The following NCKAP5 variants were observed in gnomAD, a reference collection of about 807,000 sequenced individuals.
NCKAP5 encodes NCK associated protein 5.
Under a neutral mutation model 167.0 loss-of-function variants are expected in NCKAP5, and 92 were observed. That is an observed-to-expected ratio of 0.55 (90% confidence interval 0.47 to 0.66). The LOEUF (loss-of-function observed/expected upper bound fraction) is 0.66. Ranked by LOEUF, NCKAP5 falls within the 30% of genes least tolerant of loss-of-function variation. The pLI, the probability that NCKAP5 is intolerant of heterozygous loss-of-function variation, is 0.00. For synonymous variants in NCKAP5, 891 were observed against 877.4 expected, an observed-to-expected ratio of 1.02 and a Z score of -0.27; for missense variants, 2,378 against 2,315.0, an observed-to-expected ratio of 1.03 and a Z score of -0.56.
the NCKAP5 span, among the ~76,000 whole-genome samples, chr2:133,634,216 GCTAA>G: frequency 2.6e-5 from 4 of 152,114 alleles, no homozygotes; most frequent in African/African-American, 7.2e-5. Context: ...GTCCCGGGGC[GCTAA>G]CTAAGGTGGT....
the NCKAP5 span, among the ~76,000 whole-genome samples, chr2:133,662,855 T>A: frequency 1.3e-5 from 2 of 151,580 alleles, no homozygotes; most frequent in Admixed American, 6.6e-5. Flanking sequence ...CACACAGATT[T>A]GTTGGTTTCC....
chr2:133,601,175 G>A, the NCKAP5 span, among the ~76,000 whole-genome samples: 1 of 152,218 alleles, frequency 6.6e-6, no homozygotes, highest in Admixed American at 6.5e-5. Flanking sequence ...GACCTGAGCT[G>A]TATGATGGCA....
intron 19 of NCKAP5, among the ~76,000 whole-genome samples, chr2:132,722,839 G>A (rs1186096257): frequency 2.6e-5 from 4 of 151,712 alleles, no homozygotes; most frequent in East Asian, 1.9e-4. Context: ...GTTTTGAGAC[G>A]GCGTCTTGCT....
At chr2:133,027,030 T>C (rs2078721277) in intron 6 of NCKAP5, among the ~76,000 whole-genome samples, 1 of 152,080 alleles carries the variant, frequency 6.6e-6, no homozygotes. Context: ...TTGAGAAGGG[T>C]GAGAGACTCA....
At chr2:133,180,921 T>C (rs554663743) in intron 5 of NCKAP5, among the ~76,000 whole-genome samples, 1 of 152,148 alleles carries the variant, frequency 6.6e-6, no homozygotes, top group East Asian at 1.9e-4. Context: ...ATTTGCAAAC[T>C]ATGTATCTAA....
chr2:133,541,703 A>T (rs1686238424), intron 2 of NCKAP5, among the ~76,000 whole-genome samples: 1 of 152,112 alleles, frequency 6.6e-6, no homozygotes, highest in African/African-American at 2.4e-5. Context: ...TAAGAAAAAG[A>T]GTAAAACAAA....
At position 133,526,134 on chromosome 2, in the gene NCKAP5, AAAG is replaced by A. The variant is rs559124302; in HGVS notation, c.-61-8550_-61-8548del. On this transcript the variant is annotated intron_variant, in intron 2 of 19. Coordinates refer to ENST00000409261, the MANE Select transcript of NCKAP5 (RefSeq NM_207363.3). ...GGCCCTGAAGATTGAAAGAAAAACAAAAGAAGAAGGGAGGAACAGAGAAAGGGA... is the reference window on the plus strand; with the variant it reads ...GGCCCTGAAGATTGAAAGAAAAACAAAAGAAGGGAGGAACAGAGAAAGGGA... Among the ~76,000 whole-genome samples the A allele has an allele frequency of 2.0e-3, 309 of 151,124 alleles. 1 individual carries two copies. The highest frequency in any genetic ancestry group is 7.2e-3 in the African/African-American group (294 of 41,082).
intron 3 of NCKAP5, among the ~76,000 whole-genome samples, chr2:133,344,276 AGC>A (rs1479452082): frequency 2.0e-5 from 3 of 151,902 alleles, no homozygotes; most frequent in Non-Finnish European, 2.9e-5. Context: ...AGGCAGTAGT[AGC>A]GTGCCTGTAA....
At chr2:133,098,221 T>C (rs1054329367) in intron 6 of NCKAP5, among the ~76,000 whole-genome samples, 2 of 152,246 alleles carry the variant, frequency 1.3e-5, no homozygotes, top group Non-Finnish European at 2.9e-5. Context: ...GACACATCAA[T>C]CTAAAGTTTC....
chr2:132,718,815 G>T (rs1389034555), intron 19 of NCKAP5, among the ~76,000 whole-genome samples: 2 of 152,194 alleles, frequency 1.3e-5, no homozygotes, highest in African/African-American at 4.8e-5. Context: ...CATGTCCCCT[G>T]CTAAGTTCAG....
In NCKAP5 at chr2:133,458,268, C is replaced by T. The variant is rs573379749; in HGVS notation, c.69+59190G>A. ...GAGAGAATAAGGTGCTAATATTAAT[C>T]ATGAAGAGCATGGGAAAATGAAACT... On this transcript the variant is annotated intron_variant, in intron 3 of 19. Transcript: ENST00000409261. 3.9e-5 allele frequency among the ~76,000 whole-genome samples: 6 copies of T among 152,250 alleles called. No homozygotes were observed. The South Asian group carries it at 1.2e-3, about 32-fold the overall frequency.
intron 16 of NCKAP5, among the ~76,000 whole-genome samples, chr2:132,754,584 A>C (rs114735064): frequency 0.011 from 1,602 of 152,352 alleles, 21 homozygotes; most frequent in African/African-American, 0.035. Context: ...TCCCTGAAGA[A>C]GTAGGGCAAT....
At chr2:132,793,619 T>C (rs1487635040) in intron 12 of NCKAP5, among the ~76,000 whole-genome samples, 1 of 152,202 alleles carries the variant, frequency 6.6e-6, no homozygotes, top group Non-Finnish European at 1.5e-5. Flanking sequence ...GTCAGTCTCT[T>C]ATGTGAGTTC....
intron 3 of NCKAP5, among the ~76,000 whole-genome samples, chr2:133,356,773 T>C (rs143884337): frequency 6.6e-6 from 1 of 152,182 alleles, no homozygotes. Context: ...AATTTTATGA[T>C]TGGGGTCTAT....
At chr2:133,671,738 CACAACAACA>C in the NCKAP5 span, among the ~76,000 whole-genome samples, 3 of 151,474 alleles carry the variant, frequency 2.0e-5, no homozygotes, top group African/African-American at 7.3e-5. Context: ...TTCTGGTATA[CACAACAACA>C]ACAACAACAA....
At chr2:133,128,474 C>A (rs1198272322) in intron 6 of NCKAP5, among the ~76,000 whole-genome samples, 1 of 152,150 alleles carries the variant, frequency 6.6e-6, no homozygotes, top group Admixed American at 6.6e-5. Flanking sequence ...ATCACCTACC[C>A]TCATATTAAC....
intron 3 of NCKAP5, among the ~76,000 whole-genome samples, chr2:133,330,348 G>C (rs533196060): frequency 1.4e-5 from 2 of 141,832 alleles, no homozygotes; most frequent in South Asian, 2.2e-4. Flanking sequence ...GCCTCCCAGA[G>C]TGCTGGGTTT....
At chr2:132,923,799 T>C (rs1172686949) in intron 8 of NCKAP5, among the ~76,000 whole-genome samples, 1 of 152,174 alleles carries the variant, frequency 6.6e-6, no homozygotes, top group Non-Finnish European at 1.5e-5. Flanking sequence ...TTATTAAAAA[T>C]TTTAATAAAA....
At chr2:132,721,240 G>A (rs141359098) in intron 19 of NCKAP5, among the ~76,000 whole-genome samples, 168 of 152,250 alleles carry the variant, frequency 1.1e-3, no homozygotes, top group African/African-American at 3.5e-3. Flanking sequence ...CCCAAGAGAC[G>A]GAGGTTGCAA....
Sources: gnomAD v4.1 joint callset for allele counts (sites outside exome capture counted in the v4.1 genomes callset) on GRCh38, gnomAD v4.1.1 for gene constraint, MANE v1.5 for transcripts, NCBI Gene and HGNC (gene_info 2026-07-23, HGNC 2026-07-21) for gene names.